RTN1: variants seen among roughly 807,000 people sequenced by gnomAD.
RTN1 encodes reticulon-1.
In RTN1, 25 loss-of-function variants were observed where a neutral mutation model predicts 65.5. That is an observed-to-expected ratio of 0.38 (90% CI 0.28 to 0.53). The LOEUF is 0.53. Ranked by LOEUF, RTN1 falls within the 20% of genes least tolerant of loss-of-function variation. The pLI, the probability that RTN1 is intolerant of heterozygous loss-of-function variation, is 0.79. For synonymous variants in RTN1, 471 were observed against 447.6 expected (o/e 1.05, Z -0.66); for missense variants, 983 against 1,025.4 (o/e 0.96, Z 0.57).
At chr14:59,695,050 A>C (rs1884034982) in intron 3 of RTN1, among the ~76,000 whole-genome samples, 1 of 152,148 alleles carries the variant, frequency 6.6e-6, no homozygotes, top group African/African-American at 2.4e-5. Context: ...GAGACAGAAA[A>C]ACAGCAATAC....
In RTN1 at chr14:59,849,134, C is replaced by T. The variant is rs1887460998; in HGVS notation, c.241+21256G>A. On this transcript the variant is annotated intron_variant, in intron 1 of 8. Coordinates refer to ENST00000267484, the MANE Select transcript of RTN1 (RefSeq NM_021136.3). This position sits in a 1 kb window ranked among gnomAD's most constrained non-coding sequence, Gnocchi z 4.5. ...GAATTATGCAAATTAGTTGTCACCCCTACTTAGATTAACCAAATCATAGTT... is the reference window on the plus strand; with the variant it reads ...GAATTATGCAAATTAGTTGTCACCCTTACTTAGATTAACCAAATCATAGTT... Among the ~76,000 whole-genome samples, 1 of 152,192 alleles carries T rather than the reference C, an allele frequency of 6.6e-6. No individual in the cohort carries two copies. Among genetic ancestry groups the T allele is most frequent in the Non-Finnish European group, 1.5e-5 (1 of 68,042 alleles).
Position 59,727,376 on chromosome 14 carries a change from G to A in RTN1, c.1308C>T (p.His436=), listed in dbSNP as rs749395201. The stretch of plus-strand genomic sequence containing the variant: ...CGGGCGAGGGCGGCGGGCCGCCCAC[G>A]TGGCCAAAGCTCACATAGCCTGAGG... ...ALPSGYVSFG[H]VGGPPPSPAS... Residue 436 remains histidine, a synonymous_variant, in exon 3 of 9, where the codon CAC becomes CAT. Coordinates refer to ENST00000267484, the MANE Select transcript of RTN1 (RefSeq NM_021136.3). This position sits in a 1 kb window ranked among gnomAD's most constrained non-coding sequence, Gnocchi z 4.2. 6.5e-7 allele frequency: 1 copy of A among 1,529,010 alleles called. No individual in the cohort carries two copies. Among genetic ancestry groups the A allele is most frequent in the Non-Finnish European group, 8.8e-7 (1 of 1,137,306 alleles). 94.7% of individuals were successfully genotyped at this position (1,529,010 alleles called of 1,614,324 possible). A position where few individuals can be genotyped will look rare whatever the true frequency, so the allele number is the denominator to read the frequency against.
chr14:59,670,503 T>A (rs1458952934), intron 3 of RTN1, among the ~76,000 whole-genome samples: 1 of 152,216 alleles, frequency 6.6e-6, no homozygotes, highest in East Asian at 1.9e-4. Context: ...TTTAATGTAA[T>A]CTAACTTTAG....
rs1465883117 is a variant in RTN1, at chr14:59,749,394, CTA to C, written c.242-2915_242-2914del. On this transcript the variant is annotated intron_variant, in intron 1 of 8. Coordinates refer to ENST00000267484, the MANE Select transcript of RTN1 (RefSeq NM_021136.3). Reference sequence around the variant, plus strand: ...TCTATATATCTATATCTATATATATCTATATATATCTATATCTATATATATCT... The same window carrying C: ...TCTATATATCTATATCTATATATATCTATATATCTATATCTATATATATCT... 4.9e-4 allele frequency among the ~76,000 whole-genome samples: 30 copies of C among 60,690 alleles called. 3 individuals are homozygous for C. The highest frequency in any genetic ancestry group is 1.4e-3 in the South Asian group (3 of 2,194). The allele number at this position is 60,690 out of a possible 152,430, so 39.8% of individuals were successfully genotyped here. A position where few individuals can be genotyped will look rare whatever the true frequency, so the allele number is the denominator to read the frequency against.
chr14:59,665,917 A>G (rs1375246701), intron 3 of RTN1, among the ~76,000 whole-genome samples: 2 of 152,174 alleles, frequency 1.3e-5, no homozygotes, highest in African/African-American at 4.8e-5. Context: ...TGCACCAAAT[A>G]CAGGAGCACC....
intron 1 of RTN1, among the ~76,000 whole-genome samples, chr14:59,780,249 A>G (rs547354493): frequency 1.7e-4 from 26 of 152,336 alleles, no homozygotes; most frequent in African/African-American, 5.5e-4. Flanking sequence ...GAGGTACTGA[A>G]TTCCATCCTG....
intron 3 of RTN1, among the ~76,000 whole-genome samples, chr14:59,702,680 C>G (rs1206602306): frequency 6.6e-6 from 1 of 152,208 alleles, no homozygotes; most frequent in Admixed American, 6.5e-5. Context: ...CACCATCTCC[C>G]ACTCGGGTTC....
rs1187922285 is a variant in RTN1 at position 59,727,732 on chromosome 14, G to C, written c.1016-64C>G. Reference sequence around the variant, plus strand: ...ACACACGGACAGACAGATGGACAGAGAGAGGAGGGATAAAACAAAATTCCA... The same window carrying C: ...ACACACGGACAGACAGATGGACAGACAGAGGAGGGATAAAACAAAATTCCA... On this transcript the variant is annotated intron_variant, in intron 2 of 8. Coordinates refer to ENST00000267484, the MANE Select transcript of RTN1 (RefSeq NM_021136.3). This position sits in a 1 kb window ranked among gnomAD's most constrained non-coding sequence, Gnocchi z 4.2. 15 of 1,500,828 alleles carry C rather than the reference G, an allele frequency of 1.0e-5. No homozygotes were observed. The South Asian group carries it at 1.2e-4, about 12-fold the overall frequency. The allele number at this position is 1,500,828 out of a possible 1,614,324, so 93.0% of individuals were successfully genotyped here.
chr14:59,807,140 A>G (rs1285038058), intron 1 of RTN1, among the ~76,000 whole-genome samples: 1 of 152,240 alleles, frequency 6.6e-6, no homozygotes, highest in Non-Finnish European at 1.5e-5. Context: ...AGGTGTCAGT[A>G]TGACTTTCAA....
chr14:59,815,089 G>C (rs1886796264), intron 1 of RTN1, among the ~76,000 whole-genome samples: 1 of 152,158 alleles, frequency 6.6e-6, no homozygotes, highest in Non-Finnish European at 1.5e-5. Flanking sequence ...TATTACTGCT[G>C]AGATGCAATC....
chr14:59,861,918 T>C (rs1372655703), intron 1 of RTN1, among the ~76,000 whole-genome samples: 1 of 152,214 alleles, frequency 6.6e-6, no homozygotes. Flanking sequence ...TCTCAAAACA[T>C]GGCACCTACC....
In RTN1 at chr14:59,665,083, A is replaced by G. The variant is rs548927134; in HGVS notation, c.1766-57591T>C. On this transcript the variant is annotated intron_variant, in intron 3 of 8. Transcript: ENST00000267484. ...TTTAGTTTACATTGTCTCTGATGTTATTTCTCATGCTTACTTAACATCTAT... is the reference window on the plus strand; with the variant it reads ...TTTAGTTTACATTGTCTCTGATGTTGTTTCTCATGCTTACTTAACATCTAT... Among the ~76,000 whole-genome samples the G allele has an allele frequency of 4.6e-5, 7 of 152,120 alleles. No individual in the cohort carries two copies. The South Asian group carries it at 1.2e-3, about 27-fold the overall frequency.
At chr14:59,673,069 C>A (rs565817537) in intron 3 of RTN1, among the ~76,000 whole-genome samples, 1 of 152,236 alleles carries the variant, frequency 6.6e-6, no homozygotes, top group Admixed American at 6.5e-5. Flanking sequence ...TAAATGAAAA[C>A]TTTTATTGAA....
At chr14:59,719,408 T>G (rs2139465779) in intron 3 of RTN1, among the ~76,000 whole-genome samples, 1 of 152,346 alleles carries the variant, frequency 6.6e-6, no homozygotes, top group African/African-American at 2.4e-5. Flanking sequence ...CCTTCCTAAG[T>G]GCCACCCACC....
At chr14:59,856,811 G>A (rs1005549118) in intron 1 of RTN1, among the ~76,000 whole-genome samples, 20 of 152,114 alleles carry the variant, frequency 1.3e-4, no homozygotes, top group Admixed American at 1.2e-3. Context: ...CTACTGACCA[G>A]GCTTCCTATT....
chr14:59,717,984 G>A (rs187918493), intron 3 of RTN1, among the ~76,000 whole-genome samples: 3 of 152,328 alleles, frequency 2.0e-5, no homozygotes, highest in African/African-American at 7.2e-5. Context: ...CCTGGGGTGA[G>A]CCCGGGAATT....
intron 1 of RTN1, among the ~76,000 whole-genome samples, chr14:59,852,523 A>G (rs1887527861): frequency 6.6e-6 from 1 of 152,214 alleles, no homozygotes. Context: ...ATTTGGTTCC[A>G]AAAACGTTGG....
chr14:59,609,251 C>A (rs927758030), intron 3 of RTN1, among the ~76,000 whole-genome samples: 12 of 150,638 alleles, frequency 8.0e-5, no homozygotes, highest in Admixed American at 7.3e-4. Context: ...CACCATTGCA[C>A]TCAGCCTGGG....
At position 59,869,516 on chromosome 14, in the gene RTN1, C is replaced by A. The variant is rs139055456; in HGVS notation, c.241+874G>T. 6.4e-4 allele frequency among the ~76,000 whole-genome samples: 92 copies of A among 142,978 alleles called. 1 individual carries two copies. The Middle Eastern group carries it at 0.021, about 33-fold the overall frequency. 93.8% of individuals were successfully genotyped at this position (142,978 alleles called of 152,430 possible). On this transcript the variant is annotated intron_variant, in intron 1 of 8. Coordinates refer to ENST00000267484, the MANE Select transcript of RTN1 (RefSeq NM_021136.3). ...GGCCTGGGCTCCCGCTGGACACTGG[C>A]GCGCTCAGACTTTGAATAGGGCGTC...
Sources: gnomAD v4.1 joint callset for allele counts (sites outside exome capture counted in the v4.1 genomes callset) on GRCh38, gnomAD v4.1.1 for gene constraint, Gnocchi (gnomAD v3.1) non-coding constraint, MANE v1.5 for transcripts, NCBI Gene and HGNC (gene_info 2026-07-23, HGNC 2026-07-21) for gene names.